Variants in NBEA observed in about 807,000 individuals in gnomAD.
NBEA encodes lysosomal-trafficking regulator 2.
Under a neutral mutation model 343.4 loss-of-function variants are expected in NBEA, and 44 were observed. The observed-to-expected ratio is 0.13, with a 90% confidence interval of 0.10 to 0.16. The LOEUF is 0.16. NBEA is among the 10% of genes least tolerant of loss of function. NBEA has a pLI of 1.00. For missense variants in NBEA, 2,555 were observed against 3,631.3 expected, an observed-to-expected ratio of 0.70 and a Z score of 7.62; for synonymous variants, 1,175 against 1,238.7, an observed-to-expected ratio of 0.95 and a Z score of 1.08.
At chr13:34,993,473 T>G (rs2060832341) in intron 1 of NBEA, among the ~76,000 whole-genome samples, 1 of 152,222 alleles carries the variant, frequency 6.6e-6, no homozygotes, top group Non-Finnish European at 1.5e-5. Context: ...CAATAAATGC[T>G]GGAAGGAATA....
At chr13:34,972,151 G>A (rs2060018721) in intron 1 of NBEA, among the ~76,000 whole-genome samples, 4 of 152,014 alleles carry the variant, frequency 2.6e-5, no homozygotes, top group South Asian at 2.1e-4. Context: ...AATATTCTCC[G>A]ATGGTTGTTT....
Position 34,975,218 on chromosome 13 carries a change from T to C in NBEA, c.294+32104T>C, listed in dbSNP as rs368168121. ...CACATTATCCAACTTCAAACTATAT[T>C]ATAAGGCCTTAGTCACCAAAATAGC... is the stretch of plus-strand genomic sequence containing the variant. On this transcript the variant is annotated intron_variant, in intron 1 of 58. Transcript: ENST00000379939. Among the ~76,000 whole-genome samples, 78 of 152,270 alleles carry C rather than the reference T, an allele frequency of 5.1e-4. No individual in the cohort carries two copies. In the South Asian group the frequency reaches 5.6e-3, roughly 11 times the overall value.
chr13:35,154,176 A>T (rs1222376380), intron 18 of NBEA, among the ~76,000 whole-genome samples: 11 of 152,170 alleles, frequency 7.2e-5, no homozygotes, highest in Non-Finnish European at 2.9e-5. Context: ...CTTTTTTATG[A>T]ACATTCCTAA....
intron 41 of NBEA, among the ~76,000 whole-genome samples, chr13:35,490,179 G>A (rs997574207): frequency 2.0e-5 from 3 of 151,882 alleles, no homozygotes; most frequent in African/African-American, 7.2e-5. Flanking sequence ...CTTTATTAAA[G>A]CCTTATACTC....
chr13:35,576,305 T>TTTTTA (rs2080739660), intron 45 of NBEA, among the ~76,000 whole-genome samples: 2 of 151,770 alleles, frequency 1.3e-5, no homozygotes, highest in Non-Finnish European at 2.9e-5. Context: ...TTAGTAGAGA[T>TTTTTA]GGGGTTTCAT....
At chr13:35,210,179 A>C (rs2073671156) in intron 32 of NBEA, among the ~76,000 whole-genome samples, 1 of 151,996 alleles carries the variant, frequency 6.6e-6, no homozygotes, top group Admixed American at 6.6e-5. Flanking sequence ...CTATTTTAAG[A>C]ATTAATAATA....
At chr13:35,167,664 G>A (rs1026865387) in intron 24 of NBEA, among the ~76,000 whole-genome samples, 9 of 151,730 alleles carry the variant, frequency 5.9e-5, no homozygotes, top group African/African-American at 2.2e-4. Flanking sequence ...ATGTAGTTTG[G>A]CCAATCTTTG....
In NBEA at chr13:35,005,100, G is replaced by A. The variant is rs574784976; in HGVS notation, c.295-35833G>A. ...AATGGTAAACTGTATTTGGGCAGAC[G>A]ATTTCCCATGGCATTTTTGCATGTC... On this transcript the variant is annotated intron_variant, in intron 1 of 58. Transcript: ENST00000379939. Among the ~76,000 whole-genome samples, 32 of 152,232 alleles carry A rather than the reference G, an allele frequency of 2.1e-4. No individual in the cohort carries two copies. The South Asian group carries it at 6.2e-3, about 30-fold the overall frequency.
chr13:35,546,894 T>C lies in NBEA; in HGVS notation c.6586-3583T>C, dbSNP rs566612718. Among the ~76,000 whole-genome samples the C allele has an allele frequency of 2.6e-5, 4 of 152,272 alleles. No individual in the cohort carries two copies. In the East Asian group the frequency reaches 7.7e-4, roughly 29 times the overall value. ...AAAAATGTATTATGGAATGAAACTC[T>C]TTTTAAATAAAGAAATTGTAGGATC... On this transcript the variant is annotated intron_variant, in intron 41 of 58. Transcript: ENST00000379939.
At chr13:35,123,762 A>G (rs1256938529) in intron 17 of NBEA, among the ~76,000 whole-genome samples, 188 bp downstream of exon 17, 1 of 152,166 alleles carries the variant, frequency 6.6e-6, no homozygotes, top group Non-Finnish European at 1.5e-5. Context: ...TTGTGAAACA[A>G]AATTACAATT....
intron 38 of NBEA, among the ~76,000 whole-genome samples, chr13:35,357,154 G>A (rs923028959): frequency 2.7e-5 from 4 of 149,698 alleles, no homozygotes; most frequent in African/African-American, 7.6e-5. Flanking sequence ...TGGCACTTGT[G>A]TAGATAGCAT....
At chr13:35,309,151 A>G (rs1284359777) in intron 35 of NBEA, among the ~76,000 whole-genome samples, 1 of 152,026 alleles carries the variant, frequency 6.6e-6, no homozygotes, top group African/African-American at 2.4e-5. Context: ...TTAATGTAAA[A>G]TTTCTATATG....
intron 41 of NBEA, among the ~76,000 whole-genome samples, chr13:35,541,587 T>A (rs1427701879): frequency 6.6e-6 from 1 of 152,092 alleles, no homozygotes; most frequent in Admixed American, 6.5e-5. Flanking sequence ...ATTCCAATAA[T>A]GTCTAGGATA....
chr13:35,002,599 A>G (rs1192263517), intron 1 of NBEA, among the ~76,000 whole-genome samples: 7 of 152,204 alleles, frequency 4.6e-5, no homozygotes, highest in Admixed American at 4.6e-4. Context: ...CCACAAAAAT[A>G]TATTGTATCA....
At chr13:35,193,381 A>G (rs1195236897) in intron 30 of NBEA, among the ~76,000 whole-genome samples, 1 of 151,906 alleles carries the variant, frequency 6.6e-6, no homozygotes, top group Non-Finnish European at 1.5e-5. Context: ...ACAGATATAA[A>G]TATCTTAGAG....
chr13:34,960,161 T>A (rs1255264559), intron 1 of NBEA, among the ~76,000 whole-genome samples: 2 of 152,062 alleles, frequency 1.3e-5, no homozygotes, highest in African/African-American at 4.8e-5. Context: ...TTGAAGATCC[T>A]GACACTTCGT....
chr13:35,339,290 TAAAC>T (rs2039448720), intron 36 of NBEA, among the ~76,000 whole-genome samples: 1 of 149,990 alleles, frequency 6.7e-6, no homozygotes, highest in Admixed American at 6.6e-5. Flanking sequence ...TTAGAGCTAA[TAAAC>T]AAATTCAGCA....
At chr13:35,045,934 C>T (rs1254130063) in intron 4 of NBEA, among the ~76,000 whole-genome samples, 1 of 151,978 alleles carries the variant, frequency 6.6e-6, no homozygotes, top group Non-Finnish European at 1.5e-5. Flanking sequence ...ACCATGTTGG[C>T]CAGGCTGCTC....
chr13:35,178,231 C>G (rs574115722), intron 28 of NBEA, among the ~76,000 whole-genome samples: 1 of 151,820 alleles, frequency 6.6e-6, no homozygotes, highest in Admixed American at 6.6e-5. Context: ...TCGAATAGCT[C>G]TTTGCCAATA....
Sources: gnomAD v4.1 joint callset for allele counts (sites outside exome capture counted in the v4.1 genomes callset) on GRCh38, gnomAD v4.1.1 for gene constraint, MANE v1.5 for transcripts, NCBI Gene and HGNC (gene_info 2026-07-23, HGNC 2026-07-21) for gene names.